Variants in SYCP2 observed in about 807,000 individuals in gnomAD.
The protein encoded by SYCP2 is synaptonemal complex lateral element protein.
In SYCP2, 55 loss-of-function variants were observed where a neutral mutation model predicts 211.3. The ratio of observed to expected loss-of-function variants is 0.26; its 90% CI spans 0.21 to 0.33. SYCP2 has a LOEUF of 0.33. SYCP2 is among the 10% of genes least tolerant of loss of function. SYCP2 has a pLI of 1.00. For missense variants in SYCP2, 1,731 were observed against 1,752.0 expected (o/e 0.99, Z 0.21); for synonymous variants, 570 against 555.2 (o/e 1.03, Z -0.37).
intron 35 of SYCP2, among the ~76,000 whole-genome samples, chr20:59,870,657 A>G (rs2059434842): frequency 6.6e-6 from 1 of 151,854 alleles, no homozygotes; most frequent in African/African-American, 2.4e-5. Flanking sequence ...ATGTATATGA[A>G]TCAGTAAAGG....
chr20:59,889,424 A>T (rs1460283995), intron 24 of SYCP2, among the ~76,000 whole-genome samples: 1 of 151,958 alleles, frequency 6.6e-6, no homozygotes, highest in African/African-American at 2.4e-5. Context: ...ACAAAATAAG[A>T]ATTATTCTCA....
At chr20:59,899,075 T>A (rs191738312) in intron 18 of SYCP2, among the ~76,000 whole-genome samples, 81 of 152,106 alleles carry the variant, frequency 5.3e-4, no homozygotes, top group African/African-American at 1.9e-3. Context: ...ATCGCTGATT[T>A]TTCAGGTATC....
intron 26 of SYCP2, 141 bp downstream of exon 26, chr20:59,885,787 C>A: frequency 1.4e-6 from 1 of 700,694 alleles, no homozygotes; most frequent in Non-Finnish European, 2.4e-6. Flanking sequence ...TGCTATTAAA[C>A]CTGTCAGTGG....
intron 35 of SYCP2, 23 bp downstream of exon 35, chr20:59,873,833 G>T (rs769908529): frequency 5.1e-6 from 8 of 1,565,036 alleles, no homozygotes; most frequent in African/African-American, 1.4e-5. Context: ...CTGATAAAGA[G>T]AAAAATATAT....
rs776372437 is a variant in SYCP2 at position 59,868,473 on chromosome 20, C to T, written c.3928G>A (p.Ala1310Thr). The T allele has an allele frequency of 1.2e-6, 2 of 1,611,328 alleles. No homozygotes were observed. Among genetic ancestry groups the T allele is most frequent in the Non-Finnish European group, 1.7e-6 (2 of 1,178,436 alleles). ...VEMEEKGERR[A>T]NLLPKKLCKI... is the part of the protein sequence containing the mutation. ...CACAGTTTTTTGGGAAGCAAGTTTG[C>T]TCTCCTTTCTCCTTTCTCTTCCATT... Residue 1310 changes from alanine to threonine, a missense_variant, in exon 38 of 45, where the codon GCA (alanine) becomes ACA (threonine). By Grantham distance (58) the Ala-to-Thr change is moderately conservative (BLOSUM62 0). Coordinates refer to ENST00000357552, the MANE Select transcript of SYCP2 (RefSeq NM_014258.4).
At position 59,922,448 on chromosome 20, in the gene SYCP2, C is replaced by T. The variant is rs1156288256; in HGVS notation, c.-35G>A. ...ATTTAAAAAAAAAAAAAAAGCAAGA[C>T]AAAATAAACACCTATAAAAGAAAAC... is the stretch of plus-strand genomic sequence containing the variant. On this transcript the variant is annotated 5_prime_UTR_variant, in exon 3 of 45. Coordinates refer to ENST00000357552, the MANE Select transcript of SYCP2 (RefSeq NM_014258.4). 17 of 1,337,874 alleles carry T rather than the reference C, an allele frequency of 1.3e-5. No individual in the cohort carries two copies. Among genetic ancestry groups the T allele is most frequent in the Middle Eastern group, 1.9e-4 (1 of 5,240 alleles). The allele number at this position is 1,337,874 out of a possible 1,614,324, so 82.9% of individuals were successfully genotyped here.
chr20:59,886,375 T>C (rs1367836139), intron 25 of SYCP2, among the ~76,000 whole-genome samples: 1 of 152,082 alleles, frequency 6.6e-6, no homozygotes, highest in East Asian at 1.9e-4. Flanking sequence ...ATTCTGTATT[T>C]CATTAAGCAA....
At chr20:59,866,447 G>T (rs6070980) in intron 40 of SYCP2, 48 bp downstream of exon 40, 83,145 of 1,556,730 alleles carry the variant, frequency 0.053, 5,755 homozygotes, top group African/African-American at 0.35. Context: ...TCAGAATATA[G>T]GAATATGTAG....
At chr20:59,914,897 T>A (rs2060406803) in intron 10 of SYCP2, among the ~76,000 whole-genome samples, 1 of 151,996 alleles carries the variant, frequency 6.6e-6, no homozygotes, top group South Asian at 2.1e-4. Context: ...TATATTAAGC[T>A]ATTAAATTAA....
In SYCP2 at chr20:59,866,382, G is replaced by T; in HGVS notation, c.4231C>A (p.Leu1411Ile). The change falls in exon 41 of 45, where the codon CTT (leucine) becomes ATT (isoleucine). Residue 1411 changes from leucine to isoleucine, a missense_variant. Transcript: ENST00000357552. ...HQSQDSRIKK[L>I]DKFQFIIIEE... ...ATGATAATGAATTGGAATTTATCAA[G>T]TTTTTTAATCCTATTACAGAAACAA... 6.3e-7 allele frequency: 1 copy of T among 1,585,328 alleles called. No homozygotes were observed. The highest frequency in any genetic ancestry group is 8.6e-7 in the Non-Finnish European group (1 of 1,162,660).
chr20:59,930,260 A>C (rs1601013953), intron 2 of SYCP2, among the ~76,000 whole-genome samples: 1 of 150,688 alleles, frequency 6.6e-6, no homozygotes, highest in South Asian at 2.1e-4. Flanking sequence ...AATTTTCCAT[A>C]ATAATAAAAA....
chr20:59,879,484 G>C (rs1446036303), intron 31 of SYCP2, among the ~76,000 whole-genome samples: 5 of 151,896 alleles, frequency 3.3e-5, no homozygotes, highest in African/African-American at 1.2e-4. Flanking sequence ...TATACATTTA[G>C]TTGAAAAGCA....
chr20:59,885,902 G>A (rs780999732), intron 26 of SYCP2, 26 bp downstream of exon 26: 6 of 1,561,718 alleles, frequency 3.8e-6, no homozygotes, highest in East Asian at 2.3e-5. Context: ...CTATAGATTT[G>A]GTGAAGTTAA....
chr20:59,899,885 T>C (rs2060081980), intron 18 of SYCP2, among the ~76,000 whole-genome samples: 1 of 152,152 alleles, frequency 6.6e-6, no homozygotes, highest in Admixed American at 6.5e-5. Context: ...TTCAAGAAGG[T>C]TATCTTATCT....
In SYCP2 at chr20:59,892,413, A is replaced by C; in HGVS notation, c.1941T>G (p.Asn647Lys). 6.6e-7 allele frequency: 1 copy of C among 1,512,078 alleles called. No homozygotes were observed. The highest frequency in any genetic ancestry group is 1.2e-5 in the South Asian group (1 of 81,536). 93.7% of individuals were successfully genotyped at this position (1,512,078 alleles called of 1,614,324 possible). A position where few individuals can be genotyped will look rare whatever the true frequency, so the allele number is the denominator to read the frequency against. The change falls in exon 24 of 45, where the codon AAT (asparagine) becomes AAG (lysine). Residue 647 changes from asparagine (N) to lysine (K), a missense_variant. Asn to Lys is a moderately conservative substitution (Grantham distance 94). Transcript: ENST00000357552. ...ATGATTTTTGTTTAGTAAGTTTTTT[A>C]TTTATAACAATATCTATTGGGGAAA... is the stretch of plus-strand genomic sequence containing the variant. The part of the protein sequence containing the change: ...GDTLNQDIVI[N>K]KKLTKQKSSS...
At chr20:59,867,561 G>A (rs1043324742) in intron 39 of SYCP2, 150 bp downstream of exon 39, 2 of 563,500 alleles carry the variant, frequency 3.5e-6, no homozygotes, top group Non-Finnish European at 6.0e-6. Context: ...GTAATATACA[G>A]ATTTTATTCC....
Position 59,896,462 on chromosome 20 carries a change from T to C in SYCP2, c.1471A>G (p.Thr491Ala). 1 of 1,607,518 alleles carries C rather than the reference T, an allele frequency of 6.2e-7. No homozygotes were observed. ...CTGAAAAGCACTGGACTTCTCATAG[T>C]GTATCTATCTGCACCAGAAACAATC... is the stretch of plus-strand genomic sequence containing the variant. ...SMIVSGADRY[T>A]MRSPVLFSNT... Residue 491 changes from threonine (T) to alanine (A), a missense_variant, in exon 19 of 45, where the codon ACT (threonine) becomes GCT (alanine). This residue lies in a region of SYCP2 where 1,387 missense variants were observed against 1,351.3 expected (regional missense o/e 1.03). Transcript: ENST00000357552.
chr20:59,917,861 G>A (rs1349825550), intron 7 of SYCP2, among the ~76,000 whole-genome samples: 3 of 152,118 alleles, frequency 2.0e-5, no homozygotes, highest in Admixed American at 1.3e-4. Context: ...TAGATCAAAG[G>A]TTGGCAAACT....
At chr20:59,917,480 A>G (rs930728100) in intron 7 of SYCP2, among the ~76,000 whole-genome samples, 1 of 152,006 alleles carries the variant, frequency 6.6e-6, no homozygotes, top group African/African-American at 2.4e-5. Flanking sequence ...CTCAGATGAA[A>G]AGATACAATT....
Sources: gnomAD v4.1 joint callset for allele counts (sites outside exome capture counted in the v4.1 genomes callset) on GRCh38, gnomAD v4.1.1 for gene constraint, gnomAD v4.1.1 regional missense constraint, MANE v1.5 for transcripts, NCBI Gene and HGNC (gene_info 2026-07-23, HGNC 2026-07-21) for gene names.